GIGYF2: variants seen among roughly 807,000 people sequenced by gnomAD.
GIGYF2 encodes GRB10 interacting GYF protein 2.
A neutral mutation model predicts 208.1 loss-of-function variants in GIGYF2; 25 were observed. The observed-to-expected ratio is 0.12, with a 90% CI of 0.09 to 0.17. GIGYF2 has a LOEUF of 0.17. GIGYF2 is among the 10% of genes least tolerant of loss of function. GIGYF2 has a pLI of 1.00. For missense variants in GIGYF2, 1,302 were observed against 1,579.4 expected, an observed-to-expected ratio of 0.82 and a Z score of 2.98; for synonymous variants, 534 against 543.8, an observed-to-expected ratio of 0.98 and a Z score of 0.25.
intron 3 of GIGYF2, among the ~76,000 whole-genome samples, chr2:232,745,644 T>A (rs1698123551): frequency 6.6e-6 from 1 of 152,156 alleles, no homozygotes; most frequent in Non-Finnish European, 1.5e-5. Context: ...CCAGGTAGTA[T>A]AAGAGGAAAA....
chr2:232,783,657 T>G (rs1699797077), intron 8 of GIGYF2, among the ~76,000 whole-genome samples: 1 of 150,300 alleles, frequency 6.7e-6, no homozygotes, highest in Non-Finnish European at 1.5e-5. Context: ...TCTTTTTTTT[T>G]GTTTGTTTAC....
chr2:232,851,243 A>G (rs2106432865), intron 28 of GIGYF2, among the ~76,000 whole-genome samples: 1 of 152,226 alleles, frequency 6.6e-6, no homozygotes, highest in African/African-American at 2.4e-5. Context: ...CTTGACCAGG[A>G]GTTGAAGGCT....
At chr2:232,778,443 ACTG>A (rs1256236633) in intron 8 of GIGYF2, among the ~76,000 whole-genome samples, 1 of 152,214 alleles carries the variant, frequency 6.6e-6, no homozygotes, top group African/African-American at 2.4e-5. Flanking sequence ...AGTGATTCCT[ACTG>A]CTGTGAATAT....
chr2:232,853,351 T>C (rs1220848987), intron 28 of GIGYF2, among the ~76,000 whole-genome samples: 2 of 152,064 alleles, frequency 1.3e-5, no homozygotes, highest in Admixed American at 6.6e-5. Context: ...CTATCTTCAG[T>C]AGGCTTCCTC....
intron 8 of GIGYF2, among the ~76,000 whole-genome samples, chr2:232,783,346 TTTTTG>T (rs1699783073): frequency 6.6e-6 from 1 of 152,178 alleles, no homozygotes; most frequent in Non-Finnish European, 1.5e-5. Context: ...TTCCAATTAT[TTTTTG>T]TTTTGTTTAT....
intron 6 of GIGYF2, 29 bp downstream of exon 6, chr2:232,756,363 TGGAG>T: frequency 8.6e-7 from 1 of 1,158,666 alleles, no homozygotes; most frequent in South Asian, 1.4e-5. Context: ...AAAGTAATAA[TGGAG>T]GAGGAGGAGG....
chr2:232,809,608 T>G, intron 15 of GIGYF2, 112 bp from the exon 16 acceptor site: 1 of 737,992 alleles, frequency 1.4e-6, no homozygotes, highest in East Asian at 2.6e-5. Flanking sequence ...AGGGTAGAGC[T>G]GGGAGGTAAA....
intron 22 of GIGYF2, among the ~76,000 whole-genome samples, chr2:232,836,635 C>A (rs1362320686): frequency 6.8e-6 from 1 of 146,814 alleles, no homozygotes; most frequent in African/African-American, 2.5e-5. Context: ...ATTCAGGTTT[C>A]TTTGAAGAAA....
At chr2:232,809,649 T>C in intron 15 of GIGYF2, 71 bp from the exon 16 acceptor site, 1 of 846,764 alleles carries the variant, frequency 1.2e-6, no homozygotes, top group Admixed American at 1.7e-5. Context: ...TTCAGATACC[T>C]GTACTAAGTG....
intron 9 of GIGYF2, 99 bp downstream of exon 9, chr2:232,787,428 G>GA: frequency 9.9e-7 from 1 of 1,013,188 alleles, no homozygotes; most frequent in Non-Finnish European, 1.5e-6. Context: ...CTTAAAAAAT[G>GA]TGGGGGTGGA....
chr2:232,730,031 A>G, intron 2 of GIGYF2: 1 of 830,270 alleles, frequency 1.2e-6, no homozygotes, highest in South Asian at 1.4e-5. Flanking sequence ...TGATGTGATT[A>G]TACCAACGAA....
chr2:232,747,234 A>G (rs1251409585), intron 3 of GIGYF2, among the ~76,000 whole-genome samples: 2 of 152,190 alleles, frequency 1.3e-5, no homozygotes, highest in Non-Finnish European at 2.9e-5. Flanking sequence ...ATCCTTACCA[A>G]CACCTGGTAT....
chr2:232,748,650 T>C (rs116104247), intron 4 of GIGYF2, among the ~76,000 whole-genome samples: 1,877 of 152,316 alleles, frequency 0.012, 45 homozygotes, highest in African/African-American at 0.043. Flanking sequence ...TAAGGACACA[T>C]ACAGTTGCTT....
intron 14 of GIGYF2, among the ~76,000 whole-genome samples, chr2:232,800,312 G>A (rs1700357615): frequency 6.6e-6 from 1 of 152,026 alleles, no homozygotes; most frequent in South Asian, 2.1e-4. Flanking sequence ...TATGGTGTTA[G>A]GCAAGAATCC....
At chr2:232,750,761 A>G (rs62193301) in intron 5 of GIGYF2, among the ~76,000 whole-genome samples, 22 of 114,348 alleles carry the variant, frequency 1.9e-4, no homozygotes, top group East Asian at 8.0e-4. Context: ...GTGTGTGTGT[A>G]TGTTTGTGTG....
At chr2:232,717,150 A>G (rs1696724563) in intron 2 of GIGYF2, among the ~76,000 whole-genome samples, 1 of 152,042 alleles carries the variant, frequency 6.6e-6, no homozygotes, top group Non-Finnish European at 1.5e-5. Flanking sequence ...TTTATGATTT[A>G]TTTAACACAA....
At chr2:232,702,341 A>T (rs1022686816) in intron 1 of GIGYF2, among the ~76,000 whole-genome samples, 1 of 152,026 alleles carries the variant, frequency 6.6e-6, no homozygotes, top group African/African-American at 2.4e-5. Context: ...CGGGAGGCTG[A>T]GGCAGGAGAC....
intron 2 of GIGYF2, among the ~76,000 whole-genome samples, chr2:232,711,806 T>G (rs1295090152): frequency 6.7e-6 from 1 of 150,120 alleles, no homozygotes; most frequent in East Asian, 1.9e-4. Context: ...ACCAGCAGTG[T>G]TTTTTTTCTT....
At chr2:232,708,533 G>A (rs956494434) in intron 2 of GIGYF2, among the ~76,000 whole-genome samples, 2 of 152,054 alleles carry the variant, frequency 1.3e-5, no homozygotes, top group African/African-American at 4.8e-5. Flanking sequence ...AGAGAGATGT[G>A]GGTTTGATCT....
Sources: allele counts gnomAD v4.1 joint callset (sites outside exome capture counted in the v4.1 genomes callset), GRCh38; gene constraint gnomAD v4.1.1; transcripts MANE v1.5; gene names NCBI Gene and HGNC (gene_info 2026-07-23, HGNC 2026-07-21).